The following ESRRA variants were observed in gnomAD, a reference collection of about 807,000 sequenced individuals.
ESRRA encodes the protein steroid hormone receptor ERR1.
In ESRRA, 7 loss-of-function variants were observed where a neutral mutation model predicts 35.6. The observed-to-expected ratio is 0.20, with a 90% CI of 0.11 to 0.37. ESRRA has a LOEUF of 0.37. Ranked by LOEUF, ESRRA falls within the 10% of genes least tolerant of loss-of-function variation. The pLI is 1.00. For synonymous variants in ESRRA, 223 were observed against 246.9 expected (o/e 0.90, Z 0.91); for missense variants, 378 against 561.7 (o/e 0.67, Z 3.31).
intron 2 of ESRRA, among the ~76,000 whole-genome samples, chr11:64,312,587 A>G (rs896468034): frequency 6.6e-6 from 1 of 152,192 alleles, no homozygotes; most frequent in African/African-American, 2.4e-5. Flanking sequence ...AGCACCCACC[A>G]TGTGCCAGGC....
chr11:64,314,711 C>A, intron 4 of ESRRA, 30 bp from the exon 5 acceptor site: 1 of 1,597,148 alleles, frequency 6.3e-7, no homozygotes, highest in Non-Finnish European at 8.5e-7. Context: ...GATTCGAGTG[C>A]TCCTGACTCT....
chr11:64,314,404 GA>G, intron 4 of ESRRA, 37 bp downstream of exon 4: 1 of 1,511,426 alleles, frequency 6.6e-7, no homozygotes, highest in Non-Finnish European at 8.9e-7. Context: ...TACGAAACCG[GA>G]GGCCTATGTG....
chr11:64,311,689 C>T (rs1208663362), intron 2 of ESRRA, among the ~76,000 whole-genome samples: 3 of 139,728 alleles, frequency 2.1e-5, no homozygotes, highest in East Asian at 2.1e-4. Flanking sequence ...GCTGGGATTA[C>T]GCTCCCGGCC....
intron 1 of ESRRA, 109 bp from the exon 2 acceptor site, chr11:64,307,059 G>C (rs1382071300): frequency 1.2e-6 from 1 of 850,878 alleles, no homozygotes; most frequent in East Asian, 2.7e-5. Context: ...CCCACTTGCT[G>C]GGCTTGGAAG....
Position 64,315,695 on chromosome 11 carries a change from CTCT to C in ESRRA, c.1013-7_1013-5del, listed in dbSNP as rs554242867. 1,122 of 1,612,374 alleles carry C rather than the reference CTCT, an allele frequency of 7.0e-4. 21 individuals are homozygous for C. In the South Asian group the frequency reaches 0.012, roughly 17 times the overall value. On this transcript the variant is annotated splice_polypyrimidine_tract_variant and intron_variant, in intron 6 of 6. Transcript: ENST00000000442. ...TAGCCCAGGCCAACACCACATTCCT[CTCT>C]TCTTGCAGACTCTGTGCACATCGAA... is the stretch of plus-strand genomic sequence containing the variant.
In ESRRA at chr11:64,315,858, C is replaced by A. The variant is rs766955428; in HGVS notation, c.1164C>A (p.Leu388=). The A allele has an allele frequency of 1.2e-6, 2 of 1,610,730 alleles. No individual in the cohort carries two copies. The highest frequency in any genetic ancestry group is 1.7e-6 in the Non-Finnish European group (2 of 1,178,418). Residue 388 remains leucine, a synonymous_variant, in exon 7 of 7, where the codon CTC becomes CTA. Coordinates refer to ENST00000000442, the MANE Select transcript of ESRRA (RefSeq NM_004451.5). ...GGCTGCTGCTCACGCTACCGCTCCT[C>A]CGCCAGACAGCGGGCAAAGTGCTGG... ...AGRLLLTLPL[L]RQTAGKVLAH...
chr11:64,315,692 C>G lies in ESRRA; in HGVS notation c.1013-15C>G. The G allele has an allele frequency of 6.2e-7, 1 of 1,612,968 alleles. No individual in the cohort carries two copies. The highest frequency in any genetic ancestry group is 8.5e-7 in the Non-Finnish European group (1 of 1,179,216). ...AGATAGCCCAGGCCAACACCACATT[C>G]CTCTCTTCTTGCAGACTCTGTGCAC... On this transcript the variant is annotated splice_polypyrimidine_tract_variant and intron_variant, in intron 6 of 6. Transcript: ENST00000000442.
intron 2 of ESRRA, among the ~76,000 whole-genome samples, chr11:64,311,660 C>T (rs1231379824): frequency 3.3e-5 from 5 of 150,964 alleles, no homozygotes; most frequent in African/African-American, 9.7e-5. Context: ...GTGATCCACC[C>T]GCCTCGGCCT....
chr11:64,314,705 C>G (rs769349749), intron 4 of ESRRA, 36 bp from the exon 5 acceptor site: 14 of 1,584,388 alleles, frequency 8.8e-6, no homozygotes, highest in East Asian at 2.2e-5. Context: ...CTGACAGATT[C>G]GAGTGCTCCT....
In ESRRA at chr11:64,313,271, G is replaced by A. The variant is rs1218204205; in HGVS notation, c.326-680G>A. On this transcript the variant is annotated intron_variant, in intron 2 of 6. Transcript: ENST00000000442. This position sits in a 1 kb window ranked among gnomAD's most constrained non-coding sequence, Gnocchi z 4.0. Reference sequence around the variant, plus strand: ...GGTTTCTTCTTGGGCAAGTGAACACGTGGAGTCCACGTAGGCTGTGTTCGG... The same window carrying A: ...GGTTTCTTCTTGGGCAAGTGAACACATGGAGTCCACGTAGGCTGTGTTCGG... Among the ~76,000 whole-genome samples, 3 of 152,194 alleles carry A rather than the reference G, an allele frequency of 2.0e-5. No individual in the cohort carries two copies. Among genetic ancestry groups the A allele is most frequent in the African/African-American group, 7.2e-5 (3 of 41,434 alleles).
At chr11:64,311,891 G>A (rs1357162917) in intron 2 of ESRRA, among the ~76,000 whole-genome samples, 2 of 150,734 alleles carry the variant, frequency 1.3e-5, no homozygotes, top group African/African-American at 2.4e-5. Flanking sequence ...CACCGTGTTG[G>A]TCAGGCTGGT....
chr11:64,308,109 C>G (rs1322391945), intron 2 of ESRRA, among the ~76,000 whole-genome samples: 1 of 151,230 alleles, frequency 6.6e-6, no homozygotes, highest in East Asian at 2.0e-4. Flanking sequence ...CCAGGCTGGT[C>G]TGGAATTCCT....
rs911922947 is a variant in ESRRA, at chr11:64,313,842, C to T, written c.326-109C>T. The T allele has an allele frequency of 1.4e-6, 1 of 705,978 alleles. No homozygotes were observed. Among genetic ancestry groups the T allele is most frequent in the Non-Finnish European group, 2.3e-6 (1 of 426,896 alleles). 43.7% of individuals were successfully genotyped at this position (705,978 alleles called of 1,614,324 possible). A position where few individuals can be genotyped will look rare whatever the true frequency, so the allele number is the denominator to read the frequency against. On this transcript the variant is annotated intron_variant, in intron 2 of 6. Coordinates refer to ENST00000000442, the MANE Select transcript of ESRRA (RefSeq NM_004451.5). This position sits in a 1 kb window ranked among gnomAD's most constrained non-coding sequence, Gnocchi z 4.0. ...TGGCCCCCTGCTCTCCCTTTCCTCC[C>T]CATACCCCCAGACCTGTGCTTGCCC... is the stretch of plus-strand genomic sequence containing the variant.
rs2035196198 is a variant in ESRRA, at chr11:64,314,286, C to T, written c.490C>T (p.Arg164Trp). The T allele has an allele frequency of 6.2e-7, 1 of 1,611,772 alleles. No individual in the cohort carries two copies. Residue 164 changes from arginine to tryptophan, a missense_variant, in exon 4 of 7, where the codon CGG becomes TGG. Arg to Trp is a moderately radical substitution (Grantham distance 101). Transcript: ENST00000000442. ...GGGTGGGCGGCAGAAGTACAAGCGG[C>T]GGCCGGAGGTGGACCCACTGCCCTT... ...VRGGRQKYKR[R>W]PEVDPLPFPG...
At chr11:64,310,221 T>C (rs2035112468) in intron 2 of ESRRA, among the ~76,000 whole-genome samples, 1 of 151,650 alleles carries the variant, frequency 6.6e-6, no homozygotes, top group Non-Finnish European at 1.5e-5. Flanking sequence ...AATGACTGAT[T>C]GTGACATTCC....
intron 2 of ESRRA, 21 bp downstream of exon 2, chr11:64,307,525 C>T (rs754868069): frequency 1.3e-6 from 2 of 1,486,098 alleles, no homozygotes; most frequent in Non-Finnish European, 9.0e-7. Flanking sequence ...AGCCCACTCC[C>T]CTGTCCTTTG....
At chr11:64,310,237 GTTT>G (rs199526212) in intron 2 of ESRRA, among the ~76,000 whole-genome samples, 1 of 134,354 alleles carries the variant, frequency 7.4e-6, no homozygotes, top group Admixed American at 7.6e-5. Context: ...ATTCCAGCAC[GTTT>G]TTTTTTTTTT....
Position 64,316,200 on chromosome 11 carries a change from T to C in ESRRA, c.*234T>C. On this transcript the variant is annotated 3_prime_UTR_variant, in exon 7 of 7. Coordinates refer to ENST00000000442, the MANE Select transcript of ESRRA (RefSeq NM_004451.5). ...GCACAGTGCTGCCCCTTGCAAGCCA[T>C]AACGTGCCCCCAGAGTGTAGGGGGC... 1 of 492,178 alleles carries C rather than the reference T, an allele frequency of 2.0e-6. No homozygotes were observed. The highest frequency in any genetic ancestry group is 3.8e-5 in the Admixed American group (1 of 26,584). 30.5% of individuals were successfully genotyped at this position (492,178 alleles called of 1,614,324 possible).
chr11:64,310,865 C>G (rs539119592), intron 2 of ESRRA, among the ~76,000 whole-genome samples: 1 of 152,168 alleles, frequency 6.6e-6, no homozygotes, highest in South Asian at 2.1e-4. Context: ...CAAGTTTTAA[C>G]TTGGCCAAAA....
Sources: allele counts gnomAD v4.1 joint callset (sites outside exome capture counted in the v4.1 genomes callset), GRCh38; gene constraint gnomAD v4.1.1; non-coding constraint Gnocchi (gnomAD v3.1); transcripts MANE v1.5; gene names NCBI Gene and HGNC (gene_info 2026-07-23, HGNC 2026-07-21).